CLEC6A: variants seen among roughly 807,000 people sequenced by gnomAD.
The protein encoded by CLEC6A is C-type lectin domain containing 6A.
A neutral mutation model predicts 25.7 loss-of-function variants in CLEC6A; 22 were observed. That is an observed-to-expected ratio of 0.85 (90% CI 0.61 to 1.22). CLEC6A has a LOEUF of 1.22. Ranked by LOEUF, CLEC6A falls within the 50% of genes most tolerant of loss-of-function variation. CLEC6A has a pLI of 0.00. For missense variants in CLEC6A, 240 were observed against 236.8 expected (o/e 1.01, Z -0.09); for synonymous variants, 92 against 76.7 (o/e 1.20, Z -1.04).
chr12:8,459,784 C>T, intron 3 of CLEC6A, 86 bp downstream of exon 3: 1 of 839,018 alleles, frequency 1.2e-6, no homozygotes. Flanking sequence ...TTCTATTGTG[C>T]ATTTGTGTGT....
chr12:8,467,677 T>C (rs765308121), intron 4 of CLEC6A, among the ~76,000 whole-genome samples: 1 of 152,338 alleles, frequency 6.6e-6, no homozygotes, highest in African/African-American at 2.4e-5. Flanking sequence ...AGGGATTTCT[T>C]GATATTCCAT....
chr12:8,458,383 G>A (rs1283634244), intron 2 of CLEC6A, among the ~76,000 whole-genome samples: 2 of 152,216 alleles, frequency 1.3e-5, no homozygotes, highest in Non-Finnish European at 2.9e-5. Flanking sequence ...TTTGATTCAT[G>A]TGCAGATCCT....
At chr12:8,469,516 C>T (rs769068357) in intron 4 of CLEC6A, among the ~76,000 whole-genome samples, 1 of 152,166 alleles carries the variant, frequency 6.6e-6, no homozygotes, top group Non-Finnish European at 1.5e-5. Flanking sequence ...GGAGGCATTA[C>T]ATTACCTAAC....
rs764360367 is a variant in CLEC6A, at chr12:8,477,562, T to G, written c.*98T>G. 2.8e-4 allele frequency: 252 copies of G among 911,506 alleles called. No individual in the cohort carries two copies. Among genetic ancestry groups the G allele is most frequent in the Non-Finnish European group, 3.8e-4 (234 of 615,630 alleles). 56.5% of individuals were successfully genotyped at this position (911,506 alleles called of 1,614,324 possible). A position where few individuals can be genotyped will look rare whatever the true frequency, so the allele number is the denominator to read the frequency against. ...CTATCATGAAATGATAATTTCTTCC[T>G]GAATTTACACATAATCCTTATGTTA... On this transcript the variant is annotated 3_prime_UTR_variant, in exon 6 of 6. Transcript: ENST00000382073.
intron 4 of CLEC6A, among the ~76,000 whole-genome samples, chr12:8,465,989 G>C (rs1939824267): frequency 6.6e-6 from 1 of 152,166 alleles, no homozygotes; most frequent in Admixed American, 6.5e-5. Context: ...ATATATGACA[G>C]GACTTTCTTT....
At chr12:8,461,332 T>G in intron 3 of CLEC6A, 1 of 493,308 alleles carries the variant, frequency 2.0e-6, no homozygotes, top group East Asian at 3.7e-5. Flanking sequence ...GTAAAGTGCA[T>G]AGTTTTCTTC....
chr12:8,475,342 G>A lies in CLEC6A; in HGVS notation c.370-783G>A, dbSNP rs200481793. 6.9e-4 allele frequency among the ~76,000 whole-genome samples: 16 copies of A among 23,306 alleles called. No homozygotes were observed. In the East Asian group the frequency reaches 0.028, roughly 41 times the overall value. The allele number at this position is 23,306 out of a possible 152,430, so 15.3% of individuals were successfully genotyped here. The stretch of plus-strand genomic sequence containing the variant: ...AAACTCTCTCTATATATATATATAT[G>A]TATGTGTGTGTGTGTGTGTGTGTGT... On this transcript the variant is annotated intron_variant, in intron 4 of 5. Transcript: ENST00000382073.
Position 8,457,957 on chromosome 12 carries a change from C to T in CLEC6A, c.91C>T (p.Leu31Phe), listed in dbSNP as rs1939700503. The T allele has an allele frequency of 6.2e-7, 1 of 1,613,544 alleles. No individual in the cohort carries two copies. Among genetic ancestry groups the T allele is most frequent in the East Asian group, 2.2e-5 (1 of 44,872 alleles). Residue 31 changes from leucine (L) to phenylalanine (F), a missense_variant, in exon 2 of 6, where the codon CTC becomes TTC. Coordinates refer to ENST00000382073, the MANE Select transcript of CLEC6A (RefSeq NM_001007033.2). ...WSVAGISIAL[L>F]SACFIVSCVV... ...TGTGGCTGGGATTTCCATTGCACTC[C>T]TCAGTGCTTGCTTCATTGTGAGCTG...
chr12:8,461,202 C>T, intron 3 of CLEC6A: 1 of 923,676 alleles, frequency 1.1e-6, no homozygotes. Flanking sequence ...GGAGAATGTG[C>T]AATACTCTCC....
intron 4 of CLEC6A, 110 bp downstream of exon 4, chr12:8,465,739 A>G: frequency 1.2e-6 from 1 of 853,744 alleles, no homozygotes; most frequent in South Asian, 2.5e-5. Context: ...CTATTTTCAC[A>G]TTACTGGGTA....
chr12:8,460,187 G>A (rs929825329), intron 3 of CLEC6A, among the ~76,000 whole-genome samples: 1 of 152,142 alleles, frequency 6.6e-6, no homozygotes, highest in Non-Finnish European at 1.5e-5. Flanking sequence ...GATTATGGTT[G>A]GTGTATTAGT....
At position 8,476,192 on chromosome 12, in the gene CLEC6A, A is replaced by G. The variant is rs754420545; in HGVS notation, c.437A>G (p.Asn146Ser). Residue 146 changes from asparagine to serine, a missense_variant, in exon 5 of 6, where the codon AAT becomes AGT. Asn to Ser is a conservative substitution (Grantham distance 46). Coordinates refer to ENST00000382073, the MANE Select transcript of CLEC6A (RefSeq NM_001007033.2). The part of the protein sequence containing the change: ...YFLGLSDPQG[N>S]NNWQWIDKTP... ...CTGGGGCTTTCAGACCCACAAGGTA[A>G]TAATAATTGGCAATGGATTGATAAG... The G allele has an allele frequency of 5.0e-6, 8 of 1,610,010 alleles. No homozygotes were observed. The highest frequency in any genetic ancestry group is 6.8e-6 in the Non-Finnish European group (8 of 1,179,112).
chr12:8,465,686 T>G (rs1939820864), intron 4 of CLEC6A, 57 bp downstream of exon 4: 1 of 1,491,308 alleles, frequency 6.7e-7, no homozygotes, highest in East Asian at 2.3e-5. Flanking sequence ...ATATAAAATT[T>G]ACTGTCATAA....
intron 4 of CLEC6A, among the ~76,000 whole-genome samples, chr12:8,473,756 A>G (rs1385627872): frequency 1.3e-5 from 2 of 152,048 alleles, no homozygotes; most frequent in Non-Finnish European, 2.9e-5. Flanking sequence ...TTTGACTTTT[A>G]AGTAATAGCC....
At chr12:8,463,782 A>G (rs1394194862) in intron 3 of CLEC6A, among the ~76,000 whole-genome samples, 2 of 152,252 alleles carry the variant, frequency 1.3e-5, no homozygotes, top group African/African-American at 4.8e-5. Context: ...TACTTTCTAC[A>G]CTTGCAAAGT....
intron 4 of CLEC6A, among the ~76,000 whole-genome samples, chr12:8,474,712 C>G (rs979784742): frequency 1.3e-5 from 2 of 152,046 alleles, no homozygotes; most frequent in African/African-American, 4.8e-5. Context: ...TTCCATTTGC[C>G]TTGATAAAGT....
chr12:8,456,924 A>G (rs1418215179), intron 1 of CLEC6A, among the ~76,000 whole-genome samples: 1 of 152,178 alleles, frequency 6.6e-6, no homozygotes, highest in East Asian at 1.9e-4. Flanking sequence ...AGCCTGGCCA[A>G]CATGGTGAAA....
chr12:8,458,558 T>A (rs183128131), intron 2 of CLEC6A, among the ~76,000 whole-genome samples: 34 of 152,302 alleles, frequency 2.2e-4, no homozygotes, highest in African/African-American at 7.5e-4. Context: ...TTTCTATTCA[T>A]TGATAAGGTG....
chr12:8,461,113 T>C, intron 3 of CLEC6A: 2 of 1,594,700 alleles, frequency 1.3e-6, no homozygotes, highest in Admixed American at 1.7e-5. Context: ...TGGGCTGACA[T>C]CTGCAGGCTG....
Sources: gnomAD v4.1 joint callset for allele counts (sites outside exome capture counted in the v4.1 genomes callset) on GRCh38, gnomAD v4.1.1 for gene constraint, MANE v1.5 for transcripts, NCBI Gene and HGNC (gene_info 2026-07-23, HGNC 2026-07-21) for gene names.